MAML2: variants seen among roughly 807,000 people sequenced by gnomAD.
MAML2 encodes mastermind like transcriptional coactivator 2, also known as mastermind-like protein 2.
A neutral mutation model predicts 96.1 loss-of-function variants in MAML2; 22 were observed. The ratio of observed to expected loss-of-function variants is 0.23; its 90% CI spans 0.16 to 0.33. MAML2 has a LOEUF of 0.33. MAML2 is among the 10% of genes least tolerant of loss of function. The pLI is 1.00. For synonymous variants in MAML2, 561 were observed against 521.3 expected (o/e 1.08, Z -1.04); for missense variants, 1,367 against 1,392.4 (o/e 0.98, Z 0.29).
chr11:95,984,948 G>A (rs1379993987), intron 4 of MAML2, among the ~76,000 whole-genome samples: 5 of 152,226 alleles, frequency 3.3e-5, no homozygotes, highest in African/African-American at 1.2e-4. Context: ...AGCGGGAGGA[G>A]AGAGAATTTG....
chr11:96,015,215 T>C (rs1277709996), intron 2 of MAML2, among the ~76,000 whole-genome samples: 1 of 152,180 alleles, frequency 6.6e-6, no homozygotes, highest in East Asian at 1.9e-4. Flanking sequence ...ATCTATACTA[T>C]TGGCACTTCA....
intron 1 of MAML2, among the ~76,000 whole-genome samples, chr11:96,198,695 G>T (rs557233): frequency 0.098 from 14,941 of 152,040 alleles, 990 homozygotes; most frequent in East Asian, 0.24. Context: ...TCCGGGAAAA[G>T]GTGAGAACAC....
At chr11:96,027,447 G>A (rs677598) in intron 2 of MAML2, among the ~76,000 whole-genome samples, 98,065 of 152,024 alleles carry the variant, frequency 0.65, 32,101 homozygotes, top group African/African-American at 0.77. Flanking sequence ...AACCTCCCTC[G>A]TATTCTCTCC....
intron 1 of MAML2, among the ~76,000 whole-genome samples, chr11:96,183,368 C>T (rs889495959): frequency 2.0e-5 from 3 of 149,656 alleles, no homozygotes; most frequent in African/African-American, 7.4e-5. Flanking sequence ...TTCTCTCTTC[C>T]TTCCTCCTTC....
chr11:96,069,750 C>T (rs78802322), intron 2 of MAML2, among the ~76,000 whole-genome samples: 373 of 152,096 alleles, frequency 2.5e-3, no homozygotes, highest in African/African-American at 8.6e-3. Context: ...ACAGGCAGGG[C>T]GCAGTGGCTC....
intron 1 of MAML2, among the ~76,000 whole-genome samples, chr11:96,202,177 CAAAAAAAAAAAAA>C (rs35124521): frequency 0.15 from 11,423 of 76,148 alleles, 670 homozygotes; most frequent in Middle Eastern, 0.24. Flanking sequence ...ACTAAAAATA[CAAAAAAAAAAAAA>C]AAAAAAAAAA....
chr11:96,240,405 CCGGGCGCGGTGG>C (rs1418572566), intron 1 of MAML2, among the ~76,000 whole-genome samples: 3 of 151,050 alleles, frequency 2.0e-5, no homozygotes, highest in Non-Finnish European at 4.4e-5. Flanking sequence ...AAAAAATTAG[CCGGGCGCGGTGG>C]CGGGCGCCTG....
chr11:95,991,949 C>A (rs1565183063), intron 2 of MAML2, among the ~76,000 whole-genome samples: 2 of 152,206 alleles, frequency 1.3e-5, no homozygotes, highest in Non-Finnish European at 2.9e-5. Flanking sequence ...TGGAAAAGCT[C>A]CCATGAGGAC....
At chr11:96,094,684 G>A (rs1414050417) in intron 1 of MAML2, among the ~76,000 whole-genome samples, 3 of 152,050 alleles carry the variant, frequency 2.0e-5, no homozygotes, top group South Asian at 2.1e-4. Context: ...TTCATCATTC[G>A]TCCTCATATC....
At chr11:96,090,991 GTTCC>G (rs746446514) in intron 2 of MAML2, among the ~76,000 whole-genome samples, 2 of 152,204 alleles carry the variant, frequency 1.3e-5, no homozygotes, top group East Asian at 3.8e-4. Flanking sequence ...TATATTCAAA[GTTCC>G]TTCCTTCCTT....
At chr11:96,034,432 T>TGTGTGAGAGAGAGAGA (rs549312275) in intron 2 of MAML2, among the ~76,000 whole-genome samples, 11 of 135,656 alleles carry the variant, frequency 8.1e-5, no homozygotes, top group South Asian at 2.4e-4. Flanking sequence ...TGTGTGTGTG[T>TGTGTGAGAGAGAGAGA]GAGAGAGAGA....
chr11:96,275,139 A>C (rs1459050403), intron 1 of MAML2, among the ~76,000 whole-genome samples: 1 of 152,192 alleles, frequency 6.6e-6, no homozygotes, highest in Admixed American at 6.5e-5. Flanking sequence ...TTCTGCTATA[A>C]TAAAAATGCT....
At chr11:96,162,176 C>CCT (rs1861114983) in intron 1 of MAML2, among the ~76,000 whole-genome samples, 1 of 105,954 alleles carries the variant, frequency 9.4e-6, no homozygotes, top group East Asian at 2.7e-4. Context: ...ATCAATCTAA[C>CCT]TTTTTTTTTT....
intron 3 of MAML2, among the ~76,000 whole-genome samples, chr11:95,990,249 C>T (rs1857889248): frequency 6.6e-6 from 1 of 151,628 alleles, no homozygotes; most frequent in Admixed American, 6.6e-5. Flanking sequence ...CTAGTACTTC[C>T]CCTTGTGTTA....
At chr11:96,321,266 G>T (rs534890025) in intron 1 of MAML2, among the ~76,000 whole-genome samples, 21 of 152,178 alleles carry the variant, frequency 1.4e-4, no homozygotes, top group Non-Finnish European at 2.8e-4. Flanking sequence ...TTTCTCCTGT[G>T]CTGGAATATA....
At chr11:96,037,873 T>A (rs1858743405) in intron 2 of MAML2, among the ~76,000 whole-genome samples, 1 of 152,026 alleles carries the variant, frequency 6.6e-6, no homozygotes, top group Non-Finnish European at 1.5e-5. Context: ...ATCCTGACAG[T>A]GACAAAATAC....
At chr11:95,991,198 T>G (rs1042848943) in intron 3 of MAML2, among the ~76,000 whole-genome samples, 2 of 152,174 alleles carry the variant, frequency 1.3e-5, no homozygotes, top group Admixed American at 6.5e-5. Flanking sequence ...AGTTTACTGT[T>G]TCTGCCCCTT....
chr11:96,120,222 G>C (rs1022358144), intron 1 of MAML2, among the ~76,000 whole-genome samples: 2 of 152,142 alleles, frequency 1.3e-5, no homozygotes, highest in Non-Finnish European at 2.9e-5. Context: ...CTCCCAAAGT[G>C]CTGGGTTTAC....
At chr11:96,265,122 T>C (rs1301067568) in intron 1 of MAML2, among the ~76,000 whole-genome samples, 1 of 152,176 alleles carries the variant, frequency 6.6e-6, no homozygotes, top group Non-Finnish European at 1.5e-5. Context: ...ATTAGGAATG[T>C]GGTAGAGACA....
Sources: gnomAD v4.1 joint callset for allele counts (sites outside exome capture counted in the v4.1 genomes callset) on GRCh38, gnomAD v4.1.1 for gene constraint, MANE v1.5 for transcripts, NCBI Gene and HGNC (gene_info 2026-07-23, HGNC 2026-07-21) for gene names.